GABRG1: variants seen among roughly 807,000 people sequenced by gnomAD.
The protein encoded by GABRG1 is gamma-aminobutyric acid receptor subunit gamma-1.
In GABRG1, 49 loss-of-function variants were observed where a neutral mutation model predicts 49.8. The observed-to-expected ratio is 0.98, with a 90% CI of 0.78 to 1.25. The LOEUF (loss-of-function observed/expected upper bound fraction) is 1.25. Among genes scored for constraint, GABRG1 ranks in the 50% most tolerant of loss-of-function variants. GABRG1 has a pLI of 0.00. For missense variants in GABRG1, 552 were observed against 552.3 expected, an observed-to-expected ratio of 1.00 and a Z score of 0.01; for synonymous variants, 232 against 185.1, an observed-to-expected ratio of 1.25 and a Z score of -2.06.
At chr4:46,063,931 C>A (rs1171857322) in intron 5 of GABRG1, among the ~76,000 whole-genome samples, 9 of 152,076 alleles carry the variant, frequency 5.9e-5, no homozygotes, top group Admixed American at 5.9e-4. Context: ...CTCTATGAAT[C>A]AATCTTTTTT....
chr4:46,049,134 A>T (rs1242046118), intron 8 of GABRG1, among the ~76,000 whole-genome samples: 1 of 151,854 alleles, frequency 6.6e-6, no homozygotes, highest in Non-Finnish European at 1.5e-5. Flanking sequence ...AGGAAAGGAG[A>T]GAGAAAGGCG....
At chr4:46,099,499 A>G (rs1418612845) in intron 1 of GABRG1, among the ~76,000 whole-genome samples, 3 of 151,750 alleles carry the variant, frequency 2.0e-5, no homozygotes, top group African/African-American at 4.8e-5. Flanking sequence ...TTGTTACCAC[A>G]GCATAACCTA....
intron 2 of GABRG1, among the ~76,000 whole-genome samples, chr4:46,095,105 A>G (rs1367837470): frequency 6.6e-6 from 1 of 151,848 alleles, no homozygotes; most frequent in Non-Finnish European, 1.5e-5. Context: ...AATTGGTTGA[A>G]CTTTAAAAAA....
In GABRG1 at chr4:46,108,622, G is replaced by A. The variant is rs141145387; in HGVS notation, c.105-11273C>T. 2.5e-3 allele frequency among the ~76,000 whole-genome samples: 377 copies of A among 150,836 alleles called. 5 individuals are homozygous for A. Among genetic ancestry groups the A allele is most frequent in the Admixed American group, 0.017 (256 of 15,054 alleles). On this transcript the variant is annotated intron_variant, in intron 1 of 8. Coordinates refer to ENST00000295452, the MANE Select transcript of GABRG1 (RefSeq NM_173536.4). ...TATCCTTACCACTCTCCATGAGCGT[G>A]GGATTTTTTTTTTGTTTATGGATGC...
In GABRG1 at chr4:46,047,582, G is replaced by A. The variant is rs1718053111; in HGVS notation, c.1131+3842C>T. Among the ~76,000 whole-genome samples, 5 of 152,080 alleles carry A rather than the reference G, an allele frequency of 3.3e-5. No homozygotes were observed. The South Asian group carries it at 1.0e-3, about 32-fold the overall frequency. On this transcript the variant is annotated intron_variant, in intron 8 of 8. Transcript: ENST00000295452. The stretch of plus-strand genomic sequence containing the variant: ...TGGGATGCTAGGCATAGGCCACATA[G>A]GTCTGGCTTTGTGATACCTGTCTGT...
chr4:46,048,506 G>A (rs531802015), intron 8 of GABRG1, among the ~76,000 whole-genome samples: 3 of 149,582 alleles, frequency 2.0e-5, no homozygotes, highest in African/African-American at 7.4e-5. Context: ...GTCACAACTG[G>A]TACTAAATGG....
intron 3 of GABRG1, among the ~76,000 whole-genome samples, chr4:46,076,897 A>G (rs954564517): frequency 7.9e-5 from 12 of 151,898 alleles, no homozygotes; most frequent in African/African-American, 2.7e-4. Flanking sequence ...TAGGGTGTGT[A>G]TATATATAGC....
At chr4:46,113,235 G>A in intron 1 of GABRG1, among the ~76,000 whole-genome samples, 1 of 151,064 alleles carries the variant, frequency 6.6e-6, no homozygotes, top group East Asian at 2.0e-4. Context: ...AGGTTTAATT[G>A]ACTCACAGTT....
At chr4:46,049,489 T>G (rs1050499798) in intron 8 of GABRG1, among the ~76,000 whole-genome samples, 11 of 151,908 alleles carry the variant, frequency 7.2e-5, no homozygotes, top group Non-Finnish European at 1.5e-4. Context: ...AAAATATTTT[T>G]GGTACTCAAG....
chr4:46,052,229 A>T (rs1540743), intron 7 of GABRG1, among the ~76,000 whole-genome samples: 8,243 of 51,652 alleles, frequency 0.16, 372 homozygotes, highest in African/African-American at 0.33. Flanking sequence ...GCCTTGAAAT[A>T]AAAAAAAAAA....
intron 1 of GABRG1, among the ~76,000 whole-genome samples, chr4:46,107,572 C>G (rs1422664725): frequency 6.6e-6 from 1 of 150,858 alleles, no homozygotes; most frequent in Non-Finnish European, 1.5e-5. Flanking sequence ...CTTCCTATCT[C>G]CCTCTCTTTT....
intron 1 of GABRG1, among the ~76,000 whole-genome samples, chr4:46,113,353 G>C (rs1428725248): frequency 6.6e-6 from 1 of 150,962 alleles, no homozygotes; most frequent in African/African-American, 2.4e-5. Flanking sequence ...TGAGAGAAGG[G>C]GGAAGAGCCC....
intron 8 of GABRG1, among the ~76,000 whole-genome samples, chr4:46,043,491 T>C (rs1717865378): frequency 6.6e-6 from 1 of 151,856 alleles, no homozygotes; most frequent in Non-Finnish European, 1.5e-5. Context: ...TAACACAATG[T>C]CAATAAAATA....
At chr4:46,041,866 C>G (rs1232461008) in intron 8 of GABRG1, among the ~76,000 whole-genome samples, 1 of 151,864 alleles carries the variant, frequency 6.6e-6, no homozygotes, top group African/African-American at 2.4e-5. Flanking sequence ...ATACTTGCAC[C>G]TAATTTCTGT....
rs1409473484 is a variant in GABRG1 at position 46,054,007 on chromosome 4, C to A, written c.917-2369G>T. Among the ~76,000 whole-genome samples the A allele has an allele frequency of 1.0e-4, 4 of 38,134 alleles. 2 individuals are homozygous for A. Among genetic ancestry groups the A allele is most frequent in the African/African-American group, 7.0e-4 (4 of 5,714 alleles). 25.0% of individuals were successfully genotyped at this position (38,134 alleles called of 152,430 possible). A position where few individuals can be genotyped will look rare whatever the true frequency, so the allele number is the denominator to read the frequency against. On this transcript the variant is annotated intron_variant, in intron 7 of 8. Coordinates refer to ENST00000295452, the MANE Select transcript of GABRG1 (RefSeq NM_173536.4). ...CCCATCGTTTAAATCTTTAATCCATCTTGAATTGATTTTTGTATAAGGTGT... is the reference window on the plus strand; with the variant it reads ...CCCATCGTTTAAATCTTTAATCCATATTGAATTGATTTTTGTATAAGGTGT...
intron 3 of GABRG1, among the ~76,000 whole-genome samples, chr4:46,071,438 T>C (rs189889159): frequency 8.5e-4 from 127 of 148,652 alleles, no homozygotes; most frequent in African/African-American, 2.9e-3. Context: ...ATATATATAA[T>C]ATATAAATAT....
At chr4:46,051,095 A>G (rs1718199803) in intron 8 of GABRG1, among the ~76,000 whole-genome samples, 1 of 151,908 alleles carries the variant, frequency 6.6e-6, no homozygotes, top group Non-Finnish European at 1.5e-5. Context: ...AAAGTAAGGT[A>G]ATTTTGTTAG....
intron 1 of GABRG1, among the ~76,000 whole-genome samples, chr4:46,105,763 T>C (rs899484298): frequency 5.3e-5 from 7 of 132,012 alleles, no homozygotes; most frequent in African/African-American, 1.3e-4. Flanking sequence ...AGCAGTTAGA[T>C]AGATAGATGG....
At chr4:46,111,009 C>T (rs907021924) in intron 1 of GABRG1, among the ~76,000 whole-genome samples, 7 of 150,968 alleles carry the variant, frequency 4.6e-5, no homozygotes, top group Non-Finnish European at 7.4e-5. Context: ...AGCAATATGG[C>T]AAGAGAAAGA....
Sources: gnomAD v4.1 joint callset for allele counts (sites outside exome capture counted in the v4.1 genomes callset) on GRCh38, gnomAD v4.1.1 for gene constraint, MANE v1.5 for transcripts, NCBI Gene and HGNC (gene_info 2026-07-23, HGNC 2026-07-21) for gene names.